Variants in CASD1 observed in about 807,000 individuals in gnomAD.
The protein encoded by CASD1 is N-acetylneuraminate (7)9-O-acetyltransferase.
Under a neutral mutation model 100.0 loss-of-function variants are expected in CASD1, and 41 were observed. That is an observed-to-expected ratio of 0.41 (90% confidence interval 0.32 to 0.53). The LOEUF is 0.53. Ranked by LOEUF, CASD1 falls within the 20% of genes least tolerant of loss-of-function variation. CASD1 has a pLI of 0.25. For missense variants in CASD1, 774 were observed against 948.7 expected (o/e 0.82, Z 2.42); for synonymous variants, 321 against 315.6 (o/e 1.02, Z -0.18).
At chr7:94,541,289 ATTAC>A (rs1302120893) in intron 10 of CASD1, among the ~76,000 whole-genome samples, 3 of 152,000 alleles carry the variant, frequency 2.0e-5, no homozygotes, top group East Asian at 1.9e-4. Context: ...GATTATTTTA[ATTAC>A]TTAATATTTT....
the CASD1 span, chr7:94,599,076 A>G: frequency 1.3e-6 from 1 of 752,928 alleles, no homozygotes; most frequent in Non-Finnish European, 2.2e-6. Flanking sequence ...ATAAGACATT[A>G]TGGCACTTTG....
chr7:94,578,709 G>T, the CASD1 span, among the ~76,000 whole-genome samples: 3 of 152,150 alleles, frequency 2.0e-5, no homozygotes, highest in Non-Finnish European at 2.9e-5. Context: ...GAAGTACCTG[G>T]CTGGAAATTA....
At chr7:94,515,694 C>T (rs1203247747) in intron 1 of CASD1, among the ~76,000 whole-genome samples, 1 of 151,136 alleles carries the variant, frequency 6.6e-6, no homozygotes, top group African/African-American at 2.4e-5. Context: ...AGTTCAAAGA[C>T]AAAAGACAAA....
At chr7:94,622,580 G>A in the CASD1 span, 3 of 150,564 alleles carry the variant, frequency 2.0e-5, no homozygotes, top group African/African-American at 7.4e-5. Flanking sequence ...AGTTAGCCGA[G>A]ATGGTGCCAT....
chr7:94,539,166 C>T, intron 10 of CASD1, 110 bp downstream of exon 10: 2 of 454,742 alleles, frequency 4.4e-6, no homozygotes, highest in Admixed American at 4.1e-5. Flanking sequence ...GTTATAGACC[C>T]TTCTTATTTC....
At chr7:94,581,875 C>T in the CASD1 span, among the ~76,000 whole-genome samples, 1 of 152,092 alleles carries the variant, frequency 6.6e-6, no homozygotes, top group African/African-American at 2.4e-5. Context: ...ATTTATACTC[C>T]TTTGCGTATA....
At chr7:94,560,911 A>G (rs1796328622), downstream of CASD1, among the ~76,000 whole-genome samples, 1 of 152,222 alleles carries the variant, frequency 6.6e-6, no homozygotes. Context: ...TAAGGCTAAA[A>G]GGTAAATCCA....
intron 3 of CASD1, among the ~76,000 whole-genome samples, chr7:94,525,793 G>T (rs1794535279): frequency 6.6e-6 from 1 of 152,122 alleles, no homozygotes; most frequent in Admixed American, 6.5e-5. Context: ...GCACCAACAA[G>T]AATCTAAAAA....
At position 94,537,632 on chromosome 7, in the gene CASD1, G is replaced by A. The variant is rs747320534; in HGVS notation, c.1004G>A (p.Arg335His). The A allele has an allele frequency of 7.4e-6, 12 of 1,613,586 alleles. No individual in the cohort carries two copies. The East Asian group carries it at 1.1e-4, about 15-fold the overall frequency. Residue 335 changes from arginine (R) to histidine (H), a missense_variant, in exon 9 of 18, where the codon CGT becomes CAT. Arg to His is a conservative substitution (Grantham distance 29). Transcript: ENST00000297273. ...IGYLIFYIIH[R>H]NAHRKNKPCT... ...TATTTAATTTTTTACATAATTCATC[G>A]TAATGCTCATCGGAAGAATAAGCCG... is the stretch of plus-strand genomic sequence containing the variant.
the CASD1 span, chr7:94,587,728 T>C: frequency 2.0e-6 from 3 of 1,535,170 alleles, no homozygotes; most frequent in East Asian, 7.4e-5. Flanking sequence ...GGAAAAATTC[T>C]GATAAACATC....
At chr7:94,536,615 G>A (rs1418273207) in intron 8 of CASD1, among the ~76,000 whole-genome samples, 2 of 152,142 alleles carry the variant, frequency 1.3e-5, no homozygotes, top group Admixed American at 1.3e-4. Flanking sequence ...GAATTTGCAG[G>A]CTAGTATCTG....
the CASD1 span, among the ~76,000 whole-genome samples, chr7:94,611,954 C>A: frequency 6.6e-6 from 1 of 152,038 alleles, no homozygotes; most frequent in East Asian, 1.9e-4. Flanking sequence ...AGATGAGAAA[C>A]CATTGGTATT....
At chr7:94,555,409 A>C in intron 17 of CASD1, 83 bp from the exon 18 acceptor site, 3 of 1,361,850 alleles carry the variant, frequency 2.2e-6, no homozygotes, top group Non-Finnish European at 3.0e-6. Flanking sequence ...GTTATTATGC[A>C]ACCAAATTGT....
At chr7:94,515,065 TTTA>T (rs1487244188) in intron 1 of CASD1, among the ~76,000 whole-genome samples, 3 of 152,074 alleles carry the variant, frequency 2.0e-5, no homozygotes, top group Non-Finnish European at 1.5e-5. Context: ...GTAGTAGTAA[TTTA>T]TTATTACTAC....
At chr7:94,619,150 T>C in the CASD1 span, 2 of 580,316 alleles carry the variant, frequency 3.4e-6, no homozygotes, top group Admixed American at 5.8e-5. Flanking sequence ...AAACAGAACT[T>C]TATCTACAAT....
Position 94,533,715 on chromosome 7 carries a change from C to CT in CASD1, c.544dup (p.Ser182PhefsTer4). 1 of 1,605,332 alleles carries CT rather than the reference C, an allele frequency of 6.2e-7. No homozygotes were observed. Among genetic ancestry groups the CT allele is most frequent in the South Asian group, 1.1e-5 (1 of 89,812 alleles). ...GATTCACAATGGTAGCAGTGAAGCGCTTTCTCAATATAAAATGAACATCAC... is the reference window on the plus strand; with the variant it reads ...GATTCACAATGGTAGCAGTGAAGCGCTTTTCTCAATATAAAATGAACATCAC... On this transcript the variant is annotated frameshift_variant, in exon 7 of 18. Coordinates refer to ENST00000297273, the MANE Select transcript of CASD1 (RefSeq NM_022900.5). LOFTEE classifies it high-confidence loss of function.
At chr7:94,603,211 G>C in the CASD1 span, 1 of 1,088,952 alleles carries the variant, frequency 9.2e-7, no homozygotes, top group Non-Finnish European at 1.4e-6. Context: ...ATTCCTAAAA[G>C]CAGTTCAGGT....
chr7:94,530,640 G>A (rs1443189244), intron 5 of CASD1, among the ~76,000 whole-genome samples: 1 of 152,136 alleles, frequency 6.6e-6, no homozygotes, highest in Admixed American at 6.6e-5. Context: ...GAAACTGGCA[G>A]TTTAGATGTA....
chr7:94,610,509 G>A, the CASD1 span, among the ~76,000 whole-genome samples: 1 of 152,058 alleles, frequency 6.6e-6, no homozygotes, highest in South Asian at 2.1e-4. Flanking sequence ...CTTAAAAATA[G>A]TATACGCACA....
Sources: gnomAD v4.1 joint callset for allele counts (sites outside exome capture counted in the v4.1 genomes callset) on GRCh38, gnomAD v4.1.1 for gene constraint, MANE v1.5 for transcripts, NCBI Gene and HGNC (gene_info 2026-07-23, HGNC 2026-07-21) for gene names.